Variants in TMEM132B observed in about 807,000 individuals in gnomAD.
The protein encoded by TMEM132B is transmembrane protein 132B.
Under a neutral mutation model 90.8 loss-of-function variants are expected in TMEM132B, and 18 were observed. That is an observed-to-expected ratio of 0.20 (90% CI 0.14 to 0.29). The LOEUF (loss-of-function observed/expected upper bound fraction) is 0.29, where lower values mean the gene tolerates loss of function less well. Ranked by LOEUF, TMEM132B falls within the 10% of genes least tolerant of loss-of-function variation. The probability of loss-of-function intolerance (pLI) is 1.00; values close to 1 mark genes in which losing one functional copy is unlikely to be tolerated. For synonymous variants in TMEM132B, 504 were observed against 523.3 expected (o/e 0.96, Z 0.50); for missense variants, 1,096 against 1,326.8 (o/e 0.83, Z 2.70).
chr12:125,483,656 G>A (rs957731762), intron 3 of TMEM132B, among the ~76,000 whole-genome samples: 3 of 152,282 alleles, frequency 2.0e-5, no homozygotes, highest in South Asian at 4.1e-4. Context: ...TTATTAGGAG[G>A]ATGCTGGATT....
At chr12:125,355,228 A>G (rs1374768192) in intron 2 of TMEM132B, among the ~76,000 whole-genome samples, 5 of 152,090 alleles carry the variant, frequency 3.3e-5, no homozygotes, top group African/African-American at 1.2e-4. Context: ...CAAACAGAGG[A>G]ATATTTACTC....
intron 1 of TMEM132B, among the ~76,000 whole-genome samples, chr12:125,255,252 TCTC>T (rs1013358251): frequency 2.0e-5 from 3 of 151,654 alleles, no homozygotes; most frequent in Admixed American, 2.0e-4. Context: ...CTCCTCTCTC[TCTC>T]CTCCTCTCTC....
At chr12:125,635,928 A>T (rs567483682) in intron 5 of TMEM132B, among the ~76,000 whole-genome samples, 1 of 152,248 alleles carries the variant, frequency 6.6e-6, no homozygotes, top group Admixed American at 6.5e-5. Context: ...TTCTGCTATA[A>T]TAGGGTGGCA....
In TMEM132B at chr12:125,350,286, C is replaced by T. The variant is rs747888388; in HGVS notation, c.902C>T (p.Thr301Met). ...VPLNLVREGD[T>M]ATFLVSLTSS... Reference sequence around the variant, plus strand: ...CTGAATCTAGTCCGGGAAGGGGACACGGCCACCTTTTTGGTCTCTCTGACC... The same window carrying T: ...CTGAATCTAGTCCGGGAAGGGGACATGGCCACCTTTTTGGTCTCTCTGACC... Residue 301 changes from threonine to methionine, a missense_variant, in exon 2 of 9, where the codon ACG (threonine) becomes ATG (methionine). Transcript: ENST00000682704. 4.7e-5 allele frequency: 76 copies of T among 1,613,748 alleles called. No individual in the cohort carries two copies. Among genetic ancestry groups the T allele is most frequent in the African/African-American group, 1.3e-4 (10 of 74,900 alleles).
intron 3 of TMEM132B, among the ~76,000 whole-genome samples, chr12:125,511,958 C>T (rs1048077658): frequency 6.6e-6 from 1 of 152,048 alleles, no homozygotes; most frequent in South Asian, 2.1e-4. Context: ...TGAGGGTTCA[C>T]CACCAAGTCC....
intron 6 of TMEM132B, among the ~76,000 whole-genome samples, chr12:125,644,826 A>G (rs1429832963): frequency 6.6e-6 from 1 of 152,156 alleles, no homozygotes. Flanking sequence ...GACATTGGAC[A>G]TGTGATTTAA....
intron 3 of TMEM132B, among the ~76,000 whole-genome samples, chr12:125,484,084 G>C (rs1882134358): frequency 6.6e-6 from 1 of 152,090 alleles, no homozygotes; most frequent in African/African-American, 2.4e-5. Context: ...ATTTTTTGTA[G>C]AGACAGGGTT....
rs542735384 is a variant in TMEM132B, at chr12:125,546,478, G to A, written c.1293+26853G>A. On this transcript the variant is annotated intron_variant, in intron 4 of 8. Coordinates refer to ENST00000682704, the MANE Select transcript of TMEM132B (RefSeq NM_001366854.1). ...ATTACAGGCATGAGCCACCACGACC[G>A]GCTGCAAGTATTGTCTTTCTGATGC... Among the ~76,000 whole-genome samples the A allele has an allele frequency of 4.9e-4, 75 of 152,244 alleles. 2 individuals are homozygous for A. Among genetic ancestry groups the A allele is most frequent in the African/African-American group, 6.0e-4 (25 of 41,538 alleles).
At chr12:125,363,721 G>T (rs1394020401) in intron 2 of TMEM132B, among the ~76,000 whole-genome samples, 1 of 152,082 alleles carries the variant, frequency 6.6e-6, no homozygotes, top group South Asian at 2.1e-4. Flanking sequence ...TGTTACATGA[G>T]GAAACTGAGG....
chr12:125,270,537 G>A (rs919133051), intron 1 of TMEM132B, among the ~76,000 whole-genome samples: 2 of 152,204 alleles, frequency 1.3e-5, no homozygotes, highest in Non-Finnish European at 2.9e-5. Flanking sequence ...CAGGAGAGGA[G>A]GGAAGAATGA....
intron 2 of TMEM132B, among the ~76,000 whole-genome samples, chr12:125,414,659 C>T (rs1879957924): frequency 6.6e-6 from 1 of 152,112 alleles, no homozygotes; most frequent in Non-Finnish European, 1.5e-5. Context: ...CCAGCGGGCC[C>T]TTGTGGTGAT....
At chr12:125,542,360 A>G (rs1337289324) in intron 4 of TMEM132B, among the ~76,000 whole-genome samples, 1 of 152,186 alleles carries the variant, frequency 6.6e-6, no homozygotes, top group African/African-American at 2.4e-5. Context: ...AAAACTTACT[A>G]TCGTCACCAT....
intron 2 of TMEM132B, among the ~76,000 whole-genome samples, chr12:125,357,803 T>C (rs1367334900): frequency 6.6e-6 from 1 of 152,186 alleles, no homozygotes; most frequent in Non-Finnish European, 1.5e-5. Context: ...CACCTGTGCA[T>C]CAGAACCATC....
intron 2 of TMEM132B, among the ~76,000 whole-genome samples, chr12:125,373,429 G>A (rs989827509): frequency 6.6e-6 from 1 of 152,162 alleles, no homozygotes; most frequent in Non-Finnish European, 1.5e-5. Flanking sequence ...TGAGAAAAGG[G>A]AGATCCATGT....
intron 4 of TMEM132B, among the ~76,000 whole-genome samples, chr12:125,578,125 A>G (rs1593002851): frequency 6.6e-6 from 1 of 152,128 alleles, no homozygotes; most frequent in East Asian, 1.9e-4. Context: ...TTGTTTCTTT[A>G]TAGTATTGTT....
At chr12:125,380,572 A>T (rs1878650494) in intron 2 of TMEM132B, among the ~76,000 whole-genome samples, 1 of 152,132 alleles carries the variant, frequency 6.6e-6, no homozygotes, top group African/African-American at 2.4e-5. Context: ...GGGGCACGTG[A>T]TCCCAAGCAT....
At chr12:125,363,267 C>A (rs962319481) in intron 2 of TMEM132B, among the ~76,000 whole-genome samples, 1 of 152,176 alleles carries the variant, frequency 6.6e-6, no homozygotes, top group Non-Finnish European at 1.5e-5. Flanking sequence ...GTTTCACCAT[C>A]CCTTACTGAT....
At position 125,323,613 on chromosome 12, in the gene TMEM132B, G is replaced by A. The variant is rs192479767; in HGVS notation, c.68-25839G>A. Among the ~76,000 whole-genome samples the A allele has an allele frequency of 1.8e-3, 275 of 152,144 alleles. 1 individual carries two copies. The highest frequency in any genetic ancestry group is 6.4e-3 in the African/African-American group (266 of 41,504). Reference sequence around the variant, plus strand: ...AGCTCACTGCAACCTCTGCCTCTGGGGTTCAAGCGATTCTCCTGCCTCAGC... The same window carrying A: ...AGCTCACTGCAACCTCTGCCTCTGGAGTTCAAGCGATTCTCCTGCCTCAGC... On this transcript the variant is annotated intron_variant, in intron 1 of 8. Coordinates refer to ENST00000682704, the MANE Select transcript of TMEM132B (RefSeq NM_001366854.1).
rs557414272 is a variant in TMEM132B, at chr12:125,480,979, C to T, written c.1107-38460C>T. 4.0e-3 allele frequency among the ~76,000 whole-genome samples: 602 copies of T among 152,116 alleles called. 6 individuals are homozygous for T. The highest frequency in any genetic ancestry group is 0.013 in the African/African-American group (554 of 41,504). ...CATATGCAAATCAATAAACATAATCCATCACATAAACAGAACCAAAGACAA... is the reference window on the plus strand; with the variant it reads ...CATATGCAAATCAATAAACATAATCTATCACATAAACAGAACCAAAGACAA... On this transcript the variant is annotated intron_variant, in intron 3 of 8. Transcript: ENST00000682704.
Sources: allele counts gnomAD v4.1 joint callset (sites outside exome capture counted in the v4.1 genomes callset), GRCh38; gene constraint gnomAD v4.1.1; transcripts MANE v1.5; gene names NCBI Gene and HGNC (gene_info 2026-07-23, HGNC 2026-07-21).